The following MKNK1 variants were observed in gnomAD, a reference collection of about 807,000 sequenced individuals.
The protein encoded by MKNK1 is MAP kinase-interacting serine/threonine-protein kinase 1.
Under a neutral mutation model 49.3 loss-of-function variants are expected in MKNK1, and 30 were observed. The observed-to-expected ratio is 0.61, with a 90% CI of 0.46 to 0.83. The LOEUF (loss-of-function observed/expected upper bound fraction) is 0.83, where lower values mean the gene tolerates loss of function less well. Among genes scored for constraint, MKNK1 ranks in the 40% least tolerant of loss-of-function variants. The pLI is 0.00. For synonymous variants in MKNK1, 176 were observed against 201.7 expected (o/e 0.87, Z 1.08); for missense variants, 423 against 524.7 (o/e 0.81, Z 1.89).
At chr1:46,602,788 C>A (rs1367490328) in intron 1 of MKNK1, among the ~76,000 whole-genome samples, 2 of 152,188 alleles carry the variant, frequency 1.3e-5, no homozygotes, top group Non-Finnish European at 2.9e-5. Context: ...ATGATGCCCA[C>A]CAAGGTTTCC....
At chr1:46,562,920 G>C in intron 9 of MKNK1, 77 bp from the exon 10 acceptor site, 1 of 1,232,426 alleles carries the variant, frequency 8.1e-7, no homozygotes. Context: ...GGATGGCAGA[G>C]AGCAGACTGT....
intron 1 of MKNK1, among the ~76,000 whole-genome samples, chr1:46,596,317 T>A (rs1674058017): frequency 6.6e-6 from 1 of 152,254 alleles, no homozygotes; most frequent in Non-Finnish European, 1.5e-5. Flanking sequence ...TAGATTTTCA[T>A]GTGTCATAAA....
intron 10 of MKNK1, 130 bp from the exon 11 acceptor site, chr1:46,561,772 A>T: frequency 1.0e-6 from 1 of 992,624 alleles, no homozygotes; most frequent in Non-Finnish European, 1.5e-6. Context: ...GATGCCACAG[A>T]CTGGGGCCTC....
intron 5 of MKNK1, chr1:46,575,270 C>G (rs1670784185): frequency 9.5e-6 from 4 of 419,742 alleles, no homozygotes; most frequent in Non-Finnish European, 1.7e-5. Flanking sequence ...TGTCAAACCC[C>G]AGCCCTAAAA....
At chr1:46,567,156 T>C (rs140917083) in intron 8 of MKNK1, among the ~76,000 whole-genome samples, 219 of 152,350 alleles carry the variant, frequency 1.4e-3, no homozygotes, top group African/African-American at 5.1e-3. Flanking sequence ...TTGCCCAGGC[T>C]GTTCTTAAGC....
Position 46,558,637 on chromosome 1 carries a change from G to C in MKNK1, c.1177C>G (p.Arg393Gly). The change falls in exon 13 of 13, where the codon CGG becomes GGG. Residue 393 changes from arginine to glycine, a missense_variant. Physicochemically the swap from Arg to Gly is moderately radical, Grantham distance 125 (BLOSUM62 -2). Transcript: ENST00000371945. ...LSPPCKSRLA[R>G]RRALAQAGRG... ...CCTGCCTGGGCCAGGGCCCGTCTCC[G>C]GGCCAGGCGTGACTTGCAGGGAGGG... is the stretch of plus-strand genomic sequence containing the variant. The C allele has an allele frequency of 6.2e-7, 1 of 1,614,068 alleles. No homozygotes were observed. Among genetic ancestry groups the C allele is most frequent in the Non-Finnish European group, 8.5e-7 (1 of 1,180,012 alleles).
intron 4 of MKNK1, among the ~76,000 whole-genome samples, chr1:46,578,027 A>G (rs1190125536): frequency 1.3e-5 from 2 of 152,246 alleles, no homozygotes; most frequent in Non-Finnish European, 2.9e-5. Flanking sequence ...CAGTGGGCCC[A>G]TTATCTGAAT....
At chr1:46,581,446 G>T (rs1343886814) in intron 3 of MKNK1, among the ~76,000 whole-genome samples, 2 of 147,358 alleles carry the variant, frequency 1.4e-5, no homozygotes. Flanking sequence ...AGAGGCGGAG[G>T]TTGTAGTGAG....
At chr1:46,562,406 A>G (rs1175356875) in intron 10 of MKNK1, among the ~76,000 whole-genome samples, 1 of 149,572 alleles carries the variant, frequency 6.7e-6, no homozygotes, top group African/African-American at 2.4e-5. Context: ...AAAAAAAAAA[A>G]AAAAAAAAAA....
intron 3 of MKNK1, chr1:46,582,919 C>G (rs1183238185): frequency 1.8e-6 from 1 of 542,592 alleles, no homozygotes; most frequent in Admixed American, 2.2e-5. Context: ...AGGGAAGAAT[C>G]ACATCTGAAA....
intron 1 of MKNK1, among the ~76,000 whole-genome samples, chr1:46,602,226 A>C (rs1268386341): frequency 2.0e-5 from 3 of 152,212 alleles, no homozygotes; most frequent in Non-Finnish European, 4.4e-5. Flanking sequence ...AGCCTGGCCA[A>C]CATGGCGAAA....
chr1:46,564,757 G>A (rs1570055662), intron 9 of MKNK1, among the ~76,000 whole-genome samples: 1 of 152,218 alleles, frequency 6.6e-6, no homozygotes, highest in South Asian at 2.1e-4. Context: ...TTACAGGCAT[G>A]AGCCATTGCA....
At chr1:46,575,554 G>A (rs991991193) in intron 5 of MKNK1, 1 of 152,610 alleles carries the variant, frequency 6.6e-6, no homozygotes, top group African/African-American at 2.4e-5. Context: ...AAACGGCCGC[G>A]TTCCTGGCCA....
rs759798341 is a variant in MKNK1 at position 46,558,571 on chromosome 1, C to G, written c.*4G>C. On this transcript the variant is annotated 3_prime_UTR_variant, in exon 13 of 13. Coordinates refer to ENST00000371945, the MANE Select transcript of MKNK1 (RefSeq NM_001135553.4). ...TAGGGCCTATAAGGTGTGACTGGAGCATTTCAGAGTGCTGTGGGCGGGCTC... is the reference window on the plus strand; with the variant it reads ...TAGGGCCTATAAGGTGTGACTGGAGGATTTCAGAGTGCTGTGGGCGGGCTC... 1.2e-6 allele frequency: 2 copies of G among 1,600,272 alleles called. No homozygotes were observed. The highest frequency in any genetic ancestry group is 2.3e-5 in the South Asian group (2 of 88,616).
At chr1:46,586,867 A>G (rs1672646974) in intron 2 of MKNK1, among the ~76,000 whole-genome samples, 1 of 152,212 alleles carries the variant, frequency 6.6e-6, no homozygotes, top group African/African-American at 2.4e-5. Context: ...GCTGGAATGC[A>G]GTGGAGTGCA....
intron 1 of MKNK1, among the ~76,000 whole-genome samples, chr1:46,603,792 G>A (rs1391534383): frequency 6.6e-6 from 1 of 152,190 alleles, no homozygotes; most frequent in African/African-American, 2.4e-5. Context: ...TTTAAATACT[G>A]AAAATAAATG....
chr1:46,576,296 C>T (rs752977825), intron 5 of MKNK1: 11 of 346,612 alleles, frequency 3.2e-5, no homozygotes, highest in Non-Finnish European at 4.3e-5. Flanking sequence ...AGAAATAAAA[C>T]CCCATTTCCC....
intron 4 of MKNK1, among the ~76,000 whole-genome samples, chr1:46,578,690 G>A (rs542927534): frequency 6.6e-6 from 1 of 150,770 alleles, no homozygotes; most frequent in Admixed American, 6.6e-5. Context: ...GGGCTCAAGT[G>A]ATCCTCCCAC....
At chr1:46,600,863 G>A (rs1674644440) in intron 1 of MKNK1, among the ~76,000 whole-genome samples, 1 of 152,084 alleles carries the variant, frequency 6.6e-6, no homozygotes, top group Non-Finnish European at 1.5e-5. Flanking sequence ...TGAAAAAACA[G>A]AGTCATGACA....
Sources: allele counts gnomAD v4.1 joint callset (sites outside exome capture counted in the v4.1 genomes callset), GRCh38; gene constraint gnomAD v4.1.1; transcripts MANE v1.5; gene names NCBI Gene and HGNC (gene_info 2026-07-23, HGNC 2026-07-21).